The following SHQ1 variants were observed in gnomAD, a reference collection of about 807,000 sequenced individuals.
SHQ1 encodes the protein protein SHQ1 homolog.
Under a neutral mutation model 53.8 loss-of-function variants are expected in SHQ1, and 49 were observed. That is an observed-to-expected ratio of 0.91 (90% CI 0.72 to 1.16). The LOEUF (loss-of-function observed/expected upper bound fraction) is 1.16, where lower values mean the gene tolerates loss of function less well. Among genes scored for constraint, SHQ1 ranks in the 50% most tolerant of loss-of-function variants. SHQ1 has a pLI of 0.00. For missense variants in SHQ1, 738 were observed against 683.1 expected (o/e 1.08, Z -0.90); for synonymous variants, 243 against 251.0 (o/e 0.97, Z 0.30).
intron 2 of SHQ1, among the ~76,000 whole-genome samples, chr3:72,842,752 G>C (rs1014807808): frequency 3.9e-5 from 6 of 152,110 alleles, no homozygotes; most frequent in East Asian, 1.9e-4. Context: ...TCTTAACAAG[G>C]GTTTTTCAGA....
intron 10 of SHQ1, among the ~76,000 whole-genome samples, chr3:72,763,009 T>C (rs2106721880): frequency 6.8e-6 from 1 of 147,636 alleles, no homozygotes. Flanking sequence ...ACCTTTATTA[T>C]GCCATCTTGT....
At chr3:72,770,327 TC>T (rs1705820210) in intron 10 of SHQ1, among the ~76,000 whole-genome samples, 1 of 152,232 alleles carries the variant, frequency 6.6e-6, no homozygotes, top group Non-Finnish European at 1.5e-5. Flanking sequence ...GCCAGCTGGC[TC>T]CAGAGCCCAT....
chr3:72,750,550 A>G lies in SHQ1; in HGVS notation c.1468T>C (p.Ser490Pro), dbSNP rs1357355880. The part of the protein sequence containing the change: ...LKDSPSETVS[S>P]LQGPFLEESS... ...TCTTCAAGAAAGGGACCTTGCAAAG[A>G]ACTGACTGTCTCAGATGGACTATCT... Residue 490 changes from serine to proline, a missense_variant, in exon 11 of 11, where the codon TCT becomes CCT. Physicochemically the swap from Ser to Pro is moderately conservative, Grantham distance 74. Transcript: ENST00000325599. The G allele has an allele frequency of 1.2e-6, 2 of 1,614,120 alleles. No individual in the cohort carries two copies.
downstream of SHQ1, among the ~76,000 whole-genome samples, chr3:72,745,841 C>T (rs914838265): frequency 2.8e-5 from 4 of 144,146 alleles, no homozygotes; most frequent in African/African-American, 1.0e-4. Flanking sequence ...TCATCTATTC[C>T]TTTTTTTTTT....
Position 72,823,142 on chromosome 3 carries a change from C to T in SHQ1, c.727+1282G>A, listed in dbSNP as rs1575724145. The stretch of plus-strand genomic sequence containing the variant: ...CCAGCCTGGGCGACAGAGCAAGACT[C>T]CGTCTCAAAAAAAAAAAAAAAAAAA... On this transcript the variant is annotated intron_variant, in intron 6 of 10. Coordinates refer to ENST00000325599, the MANE Select transcript of SHQ1 (RefSeq NM_018130.3). Among the ~76,000 whole-genome samples, 3 of 138,754 alleles carry T rather than the reference C, an allele frequency of 2.2e-5. No individual in the cohort carries two copies. The South Asian group carries it at 6.8e-4, about 31-fold the overall frequency. The allele number at this position is 138,754 out of a possible 152,430, so 91.0% of individuals were successfully genotyped here.
intron 1 of SHQ1, 96 bp from the exon 2 acceptor site, chr3:72,844,519 A>G: frequency 4.3e-6 from 4 of 926,084 alleles, no homozygotes; most frequent in Middle Eastern, 2.1e-4. Context: ...AAAATATATC[A>G]ATCATTTTTT....
At chr3:72,785,498 C>T (rs1020622904) in intron 10 of SHQ1, among the ~76,000 whole-genome samples, 1 of 152,210 alleles carries the variant, frequency 6.6e-6, no homozygotes, top group Non-Finnish European at 1.5e-5. Flanking sequence ...TACTGGCAGG[C>T]TCCGGCACAC....
chr3:72,847,896 G>A lies in SHQ1; in HGVS notation c.143+302C>T, dbSNP rs149691897. On this transcript the variant is annotated intron_variant, in intron 1 of 10. Transcript: ENST00000325599. ...AGGAAAGAACAGAACAAGTCAGAAC[G>A]GGACGAGAACTAGGGCGACAGGGCA... Among the ~76,000 whole-genome samples, 841 of 152,220 alleles carry A rather than the reference G, an allele frequency of 5.5e-3. 8 individuals are homozygous for A. Among genetic ancestry groups the A allele is most frequent in the African/African-American group, 0.018 (750 of 41,528 alleles).
intron 5 of SHQ1, among the ~76,000 whole-genome samples, chr3:72,831,172 C>G (rs1707808588): frequency 6.6e-6 from 1 of 152,132 alleles, no homozygotes; most frequent in African/African-American, 2.4e-5. Flanking sequence ...AGATGTCCTC[C>G]AAAATGTAAC....
intron 9 of SHQ1, among the ~76,000 whole-genome samples, chr3:72,809,245 C>T (rs1029253843): frequency 3.3e-5 from 5 of 152,130 alleles, no homozygotes; most frequent in Non-Finnish European, 7.3e-5. Context: ...CAGGTCCCAG[C>T]TGGGGAAGGG....
chr3:72,815,215 G>T, intron 8 of SHQ1, 135 bp downstream of exon 8: 2 of 688,142 alleles, frequency 2.9e-6, no homozygotes, highest in East Asian at 2.7e-5. Flanking sequence ...TAAAAAGATG[G>T]AAAACATACT....
chr3:72,824,721 CA>C (rs1448608373), intron 5 of SHQ1, among the ~76,000 whole-genome samples, 170 bp from the exon 6 acceptor site: 1 of 151,226 alleles, frequency 6.6e-6, no homozygotes, highest in African/African-American at 2.4e-5. Flanking sequence ...TAACCACAAA[CA>C]TAAGTTATTT....
At chr3:72,813,930 G>A (rs1194063612) in intron 8 of SHQ1, among the ~76,000 whole-genome samples, 1 of 143,972 alleles carries the variant, frequency 6.9e-6, no homozygotes, top group Admixed American at 7.2e-5. Flanking sequence ...AAAAGGTGTT[G>A]TATCTTGAAC....
intron 9 of SHQ1, among the ~76,000 whole-genome samples, chr3:72,806,101 T>C (rs1481907414): frequency 6.6e-6 from 1 of 152,214 alleles, no homozygotes; most frequent in Non-Finnish European, 1.5e-5. Context: ...GCTCTGAGGT[T>C]AAATAATACA....
intron 10 of SHQ1, among the ~76,000 whole-genome samples, chr3:72,751,508 G>GTGTGTGTATA (rs1210782182): frequency 5.1e-5 from 6 of 116,984 alleles, no homozygotes; most frequent in African/African-American, 2.7e-4. Flanking sequence ...GTGTGTGTGT[G>GTGTGTGTATA]TATATATATA....
Position 72,817,294 on chromosome 3 carries a change from T to C in SHQ1, c.818A>G (p.Tyr273Cys), listed in dbSNP as rs200383539. The change falls in exon 7 of 11, where the codon TAC becomes TGC. Residue 273 changes from tyrosine (Y) to cysteine (C), a missense_variant. Coordinates refer to ENST00000325599, the MANE Select transcript of SHQ1 (RefSeq NM_018130.3). ...TGCCAGAAGGATATCAATCAAACTG[T>C]AGCACACTTGACGACAGGCTCTCTT... ...LDKRACRQVCYSLIDILLAYC... is the reference protein window; with the variant it reads ...LDKRACRQVCCSLIDILLAYC... 6.2e-7 allele frequency: 1 copy of C among 1,613,962 alleles called. No individual in the cohort carries two copies. Among genetic ancestry groups the C allele is most frequent in the Non-Finnish European group, 8.5e-7 (1 of 1,179,854 alleles).
In SHQ1 at chr3:72,750,523, TTTC is replaced by T; in HGVS notation, c.1492_1494del (p.Glu498del). 1 of 1,614,194 alleles carries T rather than the reference TTTC, an allele frequency of 6.2e-7. No individual in the cohort carries two copies. Among genetic ancestry groups the T allele is most frequent in the East Asian group, 2.2e-5 (1 of 44,890 alleles). ...CCATCAACAATAAGAAAGGCACTGC[TTTC>T]TTCAAGAAAGGGACCTTGCAAAGAA... On this transcript the variant is annotated inframe_deletion, in exon 11 of 11. Coordinates refer to ENST00000325599, the MANE Select transcript of SHQ1 (RefSeq NM_018130.3).
chr3:72,782,205 C>T (rs1329883607), intron 10 of SHQ1, among the ~76,000 whole-genome samples: 1 of 152,112 alleles, frequency 6.6e-6, no homozygotes, highest in African/African-American at 2.4e-5. Flanking sequence ...TTCCATAATG[C>T]CACACTAAAT....
At chr3:72,759,137 C>G (rs975459784) in intron 10 of SHQ1, among the ~76,000 whole-genome samples, 2 of 152,066 alleles carry the variant, frequency 1.3e-5, no homozygotes, top group South Asian at 4.2e-4. Context: ...GATTAAAGGC[C>G]CACCCTACTC....
Sources: allele counts gnomAD v4.1 joint callset (sites outside exome capture counted in the v4.1 genomes callset), GRCh38; gene constraint gnomAD v4.1.1; transcripts MANE v1.5; gene names NCBI Gene and HGNC (gene_info 2026-07-23, HGNC 2026-07-21).